CRB2: variants seen among roughly 807,000 people sequenced by gnomAD.
CRB2 encodes the protein crumbs cell polarity complex component 2.
A neutral mutation model predicts 110.9 loss-of-function variants in CRB2; 85 were observed. The ratio of observed to expected loss-of-function variants is 0.77; its 90% CI spans 0.64 to 0.92. CRB2 has a LOEUF of 0.92. Ranked by LOEUF, CRB2 falls within the 40% of genes least tolerant of loss-of-function variation. CRB2 has a pLI of 0.00. For synonymous variants in CRB2, 907 were observed against 831.0 expected, an observed-to-expected ratio of 1.09 and a Z score of -1.57; for missense variants, 1,843 against 1,851.3, an observed-to-expected ratio of 1.00 and a Z score of 0.08.
At chr9:123,371,896 G>C (rs898226130) in intron 8 of CRB2, among the ~76,000 whole-genome samples, 2 of 152,164 alleles carry the variant, frequency 1.3e-5, no homozygotes, top group African/African-American at 4.8e-5. Context: ...ACACGCTTTT[G>C]ATCATGAACA....
At chr9:123,372,635 G>A (rs1050418999) in intron 9 of CRB2, among the ~76,000 whole-genome samples, 1 of 152,242 alleles carries the variant, frequency 6.6e-6, no homozygotes, top group Non-Finnish European at 1.5e-5. Context: ...AAGGGGGTGA[G>A]CAGGAATGGG....
downstream of CRB2, among the ~76,000 whole-genome samples, chr9:123,379,383 C>T (rs536910711): frequency 2.0e-5 from 3 of 152,368 alleles, no homozygotes; most frequent in South Asian, 4.1e-4. Flanking sequence ...GTGCCCTCAA[C>T]GTCGTTGGAG....
At chr9:123,358,449 T>C (rs1375613989) in intron 1 of CRB2, among the ~76,000 whole-genome samples, 1 of 151,352 alleles carries the variant, frequency 6.6e-6, no homozygotes, top group Non-Finnish European at 1.5e-5. Flanking sequence ...CAGAAGGGGG[T>C]GGGGGCCTGC....
intron 1 of CRB2, 145 bp from the exon 2 acceptor site, chr9:123,362,720 C>CTT: frequency 1.4e-6 from 1 of 722,350 alleles, no homozygotes; most frequent in Non-Finnish European, 2.2e-6. Context: ...TGGGACCTGG[C>CTT]TTGCAGACCC....
intron 9 of CRB2, 113 bp downstream of exon 9, chr9:123,372,455 C>T: frequency 1.3e-5 from 18 of 1,384,288 alleles, no homozygotes; most frequent in Non-Finnish European, 1.7e-5. Context: ...CATGCCAAGC[C>T]CTAGGGCAGT....
In CRB2 at chr9:123,373,364, C is replaced by T. The variant is rs1229751727; in HGVS notation, c.2833C>T (p.Pro945Ser). 8 of 1,435,434 alleles carry T rather than the reference C, an allele frequency of 5.6e-6. No homozygotes were observed. Among genetic ancestry groups the T allele is most frequent in the East Asian group, 3.1e-5 (1 of 32,452 alleles). The allele number at this position is 1,435,434 out of a possible 1,614,324, so 88.9% of individuals were successfully genotyped here. ...GGHGLPGAVL[P>S]IPGPRVADGA... ...CCATGGCCTGCCCGGCGCTGTGCTG[C>T]CCATACCGGGGCCGCGCGTGGCCGA... The change falls in exon 10 of 13, where the codon CCC becomes TCC. Residue 945 changes from proline to serine, a missense_variant. Physicochemically the swap from Pro to Ser is moderately conservative, Grantham distance 74. Transcript: ENST00000373631.
At position 123,377,356 on chromosome 9, in the gene CRB2, G is replaced by GT. The variant is rs1205389404; in HGVS notation, c.*295dup. Reference sequence around the variant, plus strand: ...GTTCACAGTGTGTTCAGGAGTGTGTGTATCTGGAGGAGTGTGTGTGTGAGT... The same window carrying GT: ...GTTCACAGTGTGTTCAGGAGTGTGTGTTATCTGGAGGAGTGTGTGTGTGAGT... On this transcript the variant is annotated 3_prime_UTR_variant, in exon 13 of 13. Coordinates refer to ENST00000373631, the MANE Select transcript of CRB2 (RefSeq NM_173689.7). 2 of 375,700 alleles carry GT rather than the reference G, an allele frequency of 5.3e-6. No homozygotes were observed. Among genetic ancestry groups the GT allele is most frequent in the Non-Finnish European group, 9.6e-6 (2 of 208,108 alleles). 23.3% of individuals were successfully genotyped at this position (375,700 alleles called of 1,614,324 possible).
intron 8 of CRB2, among the ~76,000 whole-genome samples, chr9:123,371,857 C>T (rs917910193): frequency 2.6e-5 from 4 of 152,276 alleles, no homozygotes; most frequent in African/African-American, 9.6e-5. Context: ...CTGCCTGAGC[C>T]TTTCTGCAGG....
rs1249718523 is a variant in CRB2, at chr9:123,373,427, C to T, written c.2896C>T (p.Pro966Ser). 1 of 1,447,380 alleles carries T rather than the reference C, an allele frequency of 6.9e-7. No homozygotes were observed. Among genetic ancestry groups the T allele is most frequent in the Non-Finnish European group, 9.0e-7 (1 of 1,105,766 alleles). The allele number at this position is 1,447,380 out of a possible 1,614,324, so 89.7% of individuals were successfully genotyped here. A position where few individuals can be genotyped will look rare whatever the true frequency, so the allele number is the denominator to read the frequency against. Residue 966 changes from proline (P) to serine (S), a missense_variant, in exon 10 of 13, where the codon CCG (proline) becomes TCG (serine). Transcript: ENST00000373631. ...WHRVRLAMER[P>S]AATTSRWLLW... is the part of the protein sequence containing the mutation. ...CCGCGTGCGTCTGGCCATGGAGCGC[C>T]CGGCGGCCACCACCTCGCGCTGGCT...
In CRB2 at chr9:123,370,432, G is replaced by A. The variant is rs1483927217; in HGVS notation, c.1379G>A (p.Gly460Asp). Residue 460 changes from glycine (G) to aspartate (D), a missense_variant, in exon 7 of 13, where the codon GGT becomes GAT. Coordinates refer to ENST00000373631, the MANE Select transcript of CRB2 (RefSeq NM_173689.7). ...QASVPAGGPL[G>D]LALRFRTTLP... ...TCAGTGCCAGCTGGTGGCCCCCTGG[G>A]TCTGGCACTGAGGTTTCGCACCACA... is the stretch of plus-strand genomic sequence containing the variant. 1 of 1,613,468 alleles carries A rather than the reference G, an allele frequency of 6.2e-7. No individual in the cohort carries two copies. The highest frequency in any genetic ancestry group is 2.2e-5 in the East Asian group (1 of 44,884).
Position 123,375,207 on chromosome 9 carries a change from C to T in CRB2, c.3507-10C>T. 1.2e-6 allele frequency: 2 copies of T among 1,612,392 alleles called. No individual in the cohort carries two copies. ...GGGAAGCCGCTTTCTCAGCCCCCCTCCCTCTCCAGGTGTCAGGTCCCCACT... is the reference window on the plus strand; with the variant it reads ...GGGAAGCCGCTTTCTCAGCCCCCCTTCCTCTCCAGGTGTCAGGTCCCCACT... On this transcript the variant is annotated splice_polypyrimidine_tract_variant and intron_variant, in intron 11 of 12. Coordinates refer to ENST00000373631, the MANE Select transcript of CRB2 (RefSeq NM_173689.7).
chr9:123,360,785 G>C (rs996656802), intron 1 of CRB2, among the ~76,000 whole-genome samples: 1 of 152,126 alleles, frequency 6.6e-6, no homozygotes, highest in Non-Finnish European at 1.5e-5. Flanking sequence ...TGTAAAACAG[G>C]CATCATAATC....
downstream of CRB2, among the ~76,000 whole-genome samples, chr9:123,379,264 C>T (rs1393168860): frequency 6.6e-6 from 1 of 152,040 alleles, no homozygotes; most frequent in East Asian, 1.9e-4. Context: ...CGCCTCCCCG[C>T]AAACACCAGC....
chr9:123,370,720 C>T lies in CRB2; in HGVS notation c.1667C>T (p.Thr556Met), dbSNP rs141535090. Residue 556 changes from threonine to methionine, a missense_variant, in exon 7 of 13, where the codon ACG becomes ATG. Physicochemically the swap from Thr to Met is moderately conservative, Grantham distance 81. Coordinates refer to ENST00000373631, the MANE Select transcript of CRB2 (RefSeq NM_173689.7). ...TCTGGTCCTGTGGCCCTGGCTTCCA[C>T]GGCTTCGGCAACTCCGCTGCCTGCC... ...VASGPVALASTASATPLPAGI... is the reference protein window; with the variant it reads ...VASGPVALASMASATPLPAGI... The T allele has an allele frequency of 6.1e-5, 98 of 1,604,106 alleles. No individual in the cohort carries two copies. Among genetic ancestry groups the T allele is most frequent in the African/African-American group, 3.7e-4 (28 of 75,058 alleles).
chr9:123,369,059 C>G (rs1178447244), intron 6 of CRB2: 3 of 776,746 alleles, frequency 3.9e-6, no homozygotes, highest in Non-Finnish European at 5.0e-6. Flanking sequence ...CTGGTGACTT[C>G]TCTGGGCCTG....
chr9:123,367,419 C>T (rs1350385409), intron 5 of CRB2, 62 bp downstream of exon 5: 4 of 939,274 alleles, frequency 4.3e-6, no homozygotes, highest in Non-Finnish European at 5.6e-6. Context: ...GATCTTGTGC[C>T]CACCCCCCCA....
Position 123,374,588 on chromosome 9 carries a change from CCCAT to C in CRB2, c.3403_3406del (p.Ser1135ArgfsTer5). 1 of 1,612,806 alleles carries C rather than the reference CCCAT, an allele frequency of 6.2e-7. No individual in the cohort carries two copies. Among genetic ancestry groups the C allele is most frequent in the Non-Finnish European group, 8.5e-7 (1 of 1,179,374 alleles). ...TCTGCTCTCTCCCCAGGTTGCCTGT[CCCAT>C]CCAAGGAGTGCAGCCTGAATGTCAC... On this transcript the variant is annotated frameshift_variant, in exon 11 of 13. Transcript: ENST00000373631. LOFTEE classifies it high-confidence loss of function.
chr9:123,373,355 G>A lies in CRB2; in HGVS notation c.2824G>A (p.Ala942Thr). ...GCGCGGAGGCCATGGCCTGCCCGGC[G>A]CTGTGCTGCCCATACCGGGGCCGCG... ...GVRGGHGLPG[A>T]VLPIPGPRVA... The change falls in exon 10 of 13, where the codon GCT becomes ACT. Residue 942 changes from alanine (A) to threonine (T), a missense_variant. Physicochemically the swap from Ala to Thr is moderately conservative, Grantham distance 58. Coordinates refer to ENST00000373631, the MANE Select transcript of CRB2 (RefSeq NM_173689.7). 7 of 1,438,586 alleles carry A rather than the reference G, an allele frequency of 4.9e-6. No homozygotes were observed. The highest frequency in any genetic ancestry group is 3.0e-5 in the East Asian group (1 of 32,934). The allele number at this position is 1,438,586 out of a possible 1,614,324, so 89.1% of individuals were successfully genotyped here.
Position 123,373,276 on chromosome 9 carries a change from C to A in CRB2, c.2745C>A (p.Gly915=). Residue 915 remains glycine (G), a synonymous_variant, in exon 10 of 13, where the codon GGC becomes GGA. Coordinates refer to ENST00000373631, the MANE Select transcript of CRB2 (RefSeq NM_173689.7). ...SEAWLLRAAA[G]ALEGVWLAVR... is the part of the protein sequence containing the mutation. ...CCTGGCTGCTGCGTGCCGCGGCGGG[C>A]GCCCTGGAAGGCGTGTGGCTGGCGG... 1.3e-6 allele frequency: 2 copies of A among 1,481,960 alleles called. No individual in the cohort carries two copies. Among genetic ancestry groups the A allele is most frequent in the African/African-American group, 1.5e-5 (1 of 68,050 alleles). 91.8% of individuals were successfully genotyped at this position (1,481,960 alleles called of 1,614,324 possible).
Sources: gnomAD v4.1 joint callset for allele counts (sites outside exome capture counted in the v4.1 genomes callset) on GRCh38, gnomAD v4.1.1 for gene constraint, MANE v1.5 for transcripts, NCBI Gene and HGNC (gene_info 2026-07-23, HGNC 2026-07-21) for gene names.